Variants in PACRG observed in about 807,000 individuals in gnomAD.
PACRG encodes parkin coregulated gene protein.
PACRG carries 29 observed loss-of-function variants against 29.7 expected under a neutral mutation model. That is an observed-to-expected ratio of 0.98 (90% CI 0.73 to 1.33). The LOEUF (loss-of-function observed/expected upper bound fraction) is 1.33, where lower values mean the gene tolerates loss of function less well. PACRG is among the 40% of genes most tolerant of loss of function. The pLI is 0.00. For synonymous variants in PACRG, 116 were observed against 118.7 expected (o/e 0.98, Z 0.15); for missense variants, 279 against 316.2 (o/e 0.88, Z 0.89).
intron 2 of PACRG, among the ~76,000 whole-genome samples, chr6:163,000,503 C>T (rs1483119810): frequency 2.0e-5 from 3 of 152,072 alleles, no homozygotes; most frequent in Non-Finnish European, 4.4e-5. Context: ...GTGGTGGCAT[C>T]CTTATAGCAT....
chr6:162,928,142 A>G (rs2128102806), intron 2 of PACRG, among the ~76,000 whole-genome samples: 1 of 151,994 alleles, frequency 6.6e-6, no homozygotes, highest in East Asian at 1.9e-4. Flanking sequence ...CAGTAAATCC[A>G]TTTGGGCTTT....
In PACRG at chr6:163,264,111, G is replaced by T. The variant is rs78569681; in HGVS notation, c.614-50716G>T. Among the ~76,000 whole-genome samples, 615 of 152,310 alleles carry T rather than the reference G, an allele frequency of 4.0e-3. 6 individuals are homozygous for T. Among genetic ancestry groups the T allele is most frequent in the African/African-American group, 0.014 (579 of 41,574 alleles). ...TATACCCAGAATCCAGACAGTGCAA[G>T]ATGCAAACTCAAATAGCTGAGAACT... is the stretch of plus-strand genomic sequence containing the variant. On this transcript the variant is annotated intron_variant, in intron 4 of 4. Transcript: ENST00000366888.
At chr6:163,199,480 C>T (rs925303899) in intron 4 of PACRG, among the ~76,000 whole-genome samples, 5 of 152,166 alleles carry the variant, frequency 3.3e-5, no homozygotes, top group East Asian at 1.9e-4. Context: ...ATTATCATCC[C>T]GTTTGCCTGG....
intron 2 of PACRG, among the ~76,000 whole-genome samples, chr6:163,008,486 A>G (rs752467316): frequency 6.6e-6 from 1 of 151,674 alleles, no homozygotes; most frequent in Non-Finnish European, 1.5e-5. Context: ...TCTATAACAA[A>G]TCCTCTCAGT....
At chr6:163,007,408 C>T (rs1423520613) in intron 2 of PACRG, among the ~76,000 whole-genome samples, 2 of 152,122 alleles carry the variant, frequency 1.3e-5, no homozygotes, top group African/African-American at 4.8e-5. Flanking sequence ...TGTCATTTTC[C>T]TTCTCCTTAA....
intron 2 of PACRG, among the ~76,000 whole-genome samples, chr6:162,936,027 T>C (rs927417815): frequency 7.9e-5 from 12 of 152,186 alleles, no homozygotes; most frequent in African/African-American, 2.4e-4. Context: ...TTAATGGACT[T>C]ACAGCTCCAC....
chr6:163,016,092 A>G (rs1321467529), intron 2 of PACRG: 3 of 152,178 alleles, frequency 2.0e-5, no homozygotes, highest in Non-Finnish European at 4.4e-5. Flanking sequence ...ATTAGGTGAT[A>G]ATCTAGGAAG....
At chr6:162,921,115 TAAAC>T (rs1797032482) in intron 2 of PACRG, among the ~76,000 whole-genome samples, 1 of 152,230 alleles carries the variant, frequency 6.6e-6, no homozygotes, top group African/African-American at 2.4e-5. Flanking sequence ...TGTTTTTACA[TAAAC>T]AAACTCTTGT....
At chr6:163,240,419 A>AC (rs1417585422) in intron 4 of PACRG, among the ~76,000 whole-genome samples, 2 of 152,160 alleles carry the variant, frequency 1.3e-5, no homozygotes, top group African/African-American at 4.8e-5. Flanking sequence ...CCTCGTGAAG[A>AC]CTTCCATAAA....
chr6:162,871,468 G>A (rs1050272750), intron 2 of PACRG, among the ~76,000 whole-genome samples: 4 of 152,226 alleles, frequency 2.6e-5, no homozygotes, highest in Non-Finnish European at 5.9e-5. Context: ...ATCTGCCATA[G>A]TGGCCTTCTT....
intron 4 of PACRG, among the ~76,000 whole-genome samples, chr6:163,145,886 C>CAGGGTGAG (rs1310160457): frequency 3.3e-5 from 5 of 152,154 alleles, no homozygotes. Flanking sequence ...AGGAGACCTG[C>CAGGGTGAG]AGGGTGAGAT....
intron 4 of PACRG, among the ~76,000 whole-genome samples, chr6:163,261,929 A>G (rs1024444899): frequency 6.6e-5 from 10 of 152,294 alleles, no homozygotes; most frequent in Non-Finnish European, 1.5e-4. Flanking sequence ...CCTGGAACCA[A>G]TCCCCCAGGA....
intron 2 of PACRG, among the ~76,000 whole-genome samples, chr6:163,045,218 C>A (rs1263180913): frequency 6.6e-6 from 1 of 152,062 alleles, no homozygotes; most frequent in African/African-American, 2.4e-5. Flanking sequence ...CCTCTGTGGC[C>A]AGCAGAGGGG....
At chr6:163,179,161 T>C in intron 4 of PACRG, 1 of 455,896 alleles carries the variant, frequency 2.2e-6, no homozygotes, top group Non-Finnish European at 4.4e-6. Flanking sequence ...GAAAGCTTTG[T>C]AGCTTGGCTC....
At chr6:163,263,832 C>T (rs1361180392) in intron 4 of PACRG, among the ~76,000 whole-genome samples, 1 of 152,122 alleles carries the variant, frequency 6.6e-6, no homozygotes, top group African/African-American at 2.4e-5. Context: ...ACTGCTAACA[C>T]GGATAAATAA....
At position 163,062,205 on chromosome 6, in the gene PACRG, T is replaced by G. The variant is rs1811152995; in HGVS notation, c.347T>G (p.Leu116Arg). ...TATCTGCCTCTGTTTTTTGATGGGC[T>G]TTGTGAAATGACATTTCCCTATGAG... ...HHYLPLFFDG[L>R]CEMTFPYEFF... Residue 116 changes from leucine to arginine, a missense_variant, in exon 3 of 5, where the codon CTT (leucine) becomes CGT (arginine). Leu to Arg is a moderately radical substitution (Grantham distance 102). Transcript: ENST00000366888. 1 of 1,614,226 alleles carries G rather than the reference T, an allele frequency of 6.2e-7. No homozygotes were observed. The highest frequency in any genetic ancestry group is 8.5e-7 in the Non-Finnish European group (1 of 1,180,044).
intron 1 of PACRG, among the ~76,000 whole-genome samples, chr6:162,796,238 C>A (rs1212877439): frequency 6.6e-6 from 1 of 152,056 alleles, no homozygotes; most frequent in Non-Finnish European, 1.5e-5. Flanking sequence ...GTAGATTTTT[C>A]TTTATTTCTT....
intron 4 of PACRG, among the ~76,000 whole-genome samples, chr6:163,144,232 A>AC (rs1266819029): frequency 3.5e-5 from 5 of 143,528 alleles, no homozygotes; most frequent in Non-Finnish European, 6.1e-5. Context: ...CCGTCTCAAA[A>AC]CAAAAAAAAA....
At chr6:162,976,447 G>A (rs536898575) in intron 2 of PACRG, among the ~76,000 whole-genome samples, 1 of 152,138 alleles carries the variant, frequency 6.6e-6, no homozygotes, top group Non-Finnish European at 1.5e-5. Flanking sequence ...TGGAGTTGAG[G>A]GGGGAAGAAA....
Sources: allele counts gnomAD v4.1 joint callset (sites outside exome capture counted in the v4.1 genomes callset), GRCh38; gene constraint gnomAD v4.1.1; transcripts MANE v1.5; gene names NCBI Gene and HGNC (gene_info 2026-07-23, HGNC 2026-07-21).